Variants in TSACC observed in about 807,000 individuals in gnomAD.
TSACC encodes TSSK6 activating cochaperone.
Under a neutral mutation model 6.9 loss-of-function variants are expected in TSACC, and 3 were observed. The observed-to-expected ratio is 0.43, with a 90% CI of 0.20 to 1.12. The LOEUF (loss-of-function observed/expected upper bound fraction) is 1.12, where lower values mean the gene tolerates loss of function less well. Ranked by LOEUF, TSACC falls within the 50% of genes most tolerant of loss-of-function variation. TSACC has a pLI of 0.28. For synonymous variants in TSACC, 54 were observed against 55.1 expected, an observed-to-expected ratio of 0.98 and a Z score of 0.09; for missense variants, 137 against 143.9, an observed-to-expected ratio of 0.95 and a Z score of 0.24.
At chr1:156,342,943 C>CT (rs1665976025) in intron 2 of TSACC, among the ~76,000 whole-genome samples, 1 of 152,348 alleles carries the variant, frequency 6.6e-6, no homozygotes, top group Admixed American at 6.5e-5. Context: ...TTCCAGCTGT[C>CT]TGACTTTCCA....
chr1:156,346,832 G>C lies in TSACC; in HGVS notation c.228G>C (p.Gln76His), dbSNP rs921534745. The change falls in exon 4 of 4, where the codon CAG (glutamine) becomes CAC (histidine). Residue 76 changes from glutamine to histidine, a missense_variant. By Grantham distance (24) the Gln-to-His change is conservative. Coordinates refer to ENST00000368254, the MANE Select transcript of TSACC (RefSeq NM_001304817.2). ...GTATGTATGCAAACCTCCAGCTTCA[G>C]ACCCAGCTCGCCCAACAACAGATGG... ...LECMYANLQL[Q>H]TQLAQQQMAV... 7 of 1,614,166 alleles carry C rather than the reference G, an allele frequency of 4.3e-6. 1 individual carries two copies. The Middle Eastern group carries it at 4.9e-4, about 114-fold the overall frequency.
rs773730233 is a variant in TSACC, at chr1:156,344,725, G to A, written c.163+17G>A. ...TGCCCTCGGGTAAGGATGTAGGGAGGGTTTTCTAATGGACTCAACAGGGGG... is the reference window on the plus strand; with the variant it reads ...TGCCCTCGGGTAAGGATGTAGGGAGAGTTTTCTAATGGACTCAACAGGGGG... On this transcript the variant is annotated intron_variant, in intron 3 of 3. Transcript: ENST00000368254. 24 of 1,612,408 alleles carry A rather than the reference G, an allele frequency of 1.5e-5. No individual in the cohort carries two copies. Among genetic ancestry groups the A allele is most frequent in the Non-Finnish European group, 1.8e-5 (21 of 1,179,338 alleles).
upstream of TSACC, chr1:156,337,363 G>C: frequency 1.4e-5 from 3 of 209,832 alleles, no homozygotes; most frequent in Admixed American, 1.1e-4. Context: ...AACAGAGATC[G>C]CGCCACTGCA....
upstream of TSACC, chr1:156,338,095 A>G: frequency 1.9e-6 from 3 of 1,553,496 alleles, no homozygotes; most frequent in Non-Finnish European, 2.6e-6. Context: ...GCAACACTGA[A>G]AAGTATGGAC....
At chr1:156,342,982 C>G (rs1290464141) in intron 2 of TSACC, among the ~76,000 whole-genome samples, 1 of 152,212 alleles carries the variant, frequency 6.6e-6, no homozygotes, top group Admixed American at 6.5e-5. Context: ...TTTGCCACTT[C>G]CTTTTCATCT....
intron 2 of TSACC, among the ~76,000 whole-genome samples, chr1:156,341,039 ACTC>A (rs1421520000): frequency 1.3e-5 from 2 of 150,682 alleles, no homozygotes; most frequent in African/African-American, 4.9e-5. Flanking sequence ...CAGGTCTTGA[ACTC>A]CTGGCCTCAA....
chr1:156,338,503 G>A (rs1421225315), upstream of TSACC: 4 of 513,906 alleles, frequency 7.8e-6, no homozygotes, highest in African/African-American at 3.8e-5. Flanking sequence ...CGCGAACGTC[G>A]GCGCAGGCGC....
At chr1:156,338,267 G>A (rs1665550060), upstream of TSACC, 5 of 1,431,946 alleles carry the variant, frequency 3.5e-6, no homozygotes, top group East Asian at 7.3e-5. Flanking sequence ...CAGAAGCCCA[G>A]AAAACGCTGC....
At chr1:156,339,896 C>T in intron 2 of TSACC, 105 bp downstream of exon 2, 1 of 1,206,814 alleles carries the variant, frequency 8.3e-7, no homozygotes, top group Non-Finnish European at 1.2e-6. Flanking sequence ...AGAACTGGAT[C>T]TGTTAAATAG....
At chr1:156,340,458 CTT>C (rs1294722828) in intron 2 of TSACC, among the ~76,000 whole-genome samples, 25 of 111,758 alleles carry the variant, frequency 2.2e-4, no homozygotes, top group Admixed American at 3.9e-4. Flanking sequence ...CGCCCCCGGC[CTT>C]TTTTTTTTTT....
upstream of TSACC, chr1:156,338,175 G>A (rs763265857): frequency 4.4e-6 from 7 of 1,588,438 alleles, no homozygotes; most frequent in Admixed American, 5.6e-5. Flanking sequence ...ACTGGACGAT[G>A]GCCCATCATG....
At chr1:156,340,619 G>A (rs548726347) in intron 2 of TSACC, among the ~76,000 whole-genome samples, 6 of 151,910 alleles carry the variant, frequency 3.9e-5, no homozygotes, top group South Asian at 2.1e-4. Context: ...GCACCCCCAC[G>A]CCCAGCTAAT....
chr1:156,344,754 G>A (rs2101716240), intron 3 of TSACC, 46 bp downstream of exon 3: 1 of 1,597,094 alleles, frequency 6.3e-7, no homozygotes, highest in South Asian at 1.1e-5. Flanking sequence ...CAGGGGGAAG[G>A]GTTGCATGGA....
chr1:156,338,758 G>A (rs977818356), intron 1 of TSACC, 153 bp downstream of exon 1: 4 of 154,864 alleles, frequency 2.6e-5, no homozygotes, highest in Admixed American at 1.9e-4. Flanking sequence ...AAGACCTGCC[G>A]GCTTGGCGCA....
chr1:156,340,659 C>T (rs1022245388), intron 2 of TSACC, among the ~76,000 whole-genome samples: 2 of 151,766 alleles, frequency 1.3e-5, no homozygotes, highest in African/African-American at 4.8e-5. Context: ...TGGGGTTTCG[C>T]CATCTTGGTC....
At chr1:156,343,144 C>G (rs1665986479) in intron 2 of TSACC, among the ~76,000 whole-genome samples, 1 of 152,206 alleles carries the variant, frequency 6.6e-6, no homozygotes, top group African/African-American at 2.4e-5. Context: ...TGCCAGCTCT[C>G]TGGCTGTTTT....
intron 3 of TSACC, among the ~76,000 whole-genome samples, chr1:156,346,467 G>T (rs952750324): frequency 6.6e-6 from 1 of 152,148 alleles, no homozygotes; most frequent in East Asian, 1.9e-4. Flanking sequence ...TGGAGCTTAC[G>T]TTCTAGAAGG....
At position 156,339,404 on chromosome 1, in the gene TSACC, TTA is replaced by T. The variant is rs1665686060; in HGVS notation, c.-124-228_-124-227del. ...TTACCATTCGGGATAGGAGAAGGAC[TTA>T]TCATACCGTGGAAATTAAACATGGT... On this transcript the variant is annotated intron_variant, in intron 1 of 3. Coordinates refer to ENST00000368254, the MANE Select transcript of TSACC (RefSeq NM_001304817.2). Among the ~76,000 whole-genome samples the T allele has an allele frequency of 5.3e-5, 8 of 152,134 alleles. No individual in the cohort carries two copies. In the South Asian group the frequency reaches 1.7e-3, roughly 31 times the overall value.
chr1:156,345,343 G>T (rs1036886110), intron 3 of TSACC, among the ~76,000 whole-genome samples: 2 of 150,160 alleles, frequency 1.3e-5, no homozygotes, highest in African/African-American at 4.9e-5. Flanking sequence ...CAGGTGGATT[G>T]TCTGAGGTCA....
Sources: allele counts gnomAD v4.1 joint callset (sites outside exome capture counted in the v4.1 genomes callset), GRCh38; gene constraint gnomAD v4.1.1; transcripts MANE v1.5; gene names NCBI Gene and HGNC (gene_info 2026-07-23, HGNC 2026-07-21).